CCDC102B: variants seen among roughly 807,000 people sequenced by gnomAD.
CCDC102B encodes the protein coiled-coil domain-containing protein 102B.
Under a neutral mutation model 57.4 loss-of-function variants are expected in CCDC102B, and 75 were observed. The observed-to-expected ratio is 1.31, with a 90% CI of 1.08 to 1.58. CCDC102B has a LOEUF of 1.58. Ranked by LOEUF, CCDC102B falls within the 40% of genes most tolerant of loss-of-function variation. CCDC102B has a pLI of 0.00. For synonymous variants in CCDC102B, 206 were observed against 201.9 expected (o/e 1.02, Z -0.17); for missense variants, 636 against 582.6 (o/e 1.09, Z -0.94).
chr18:68,993,685 T>C (rs2050938988), intron 6 of CCDC102B, among the ~76,000 whole-genome samples: 1 of 152,334 alleles, frequency 6.6e-6, no homozygotes, highest in Non-Finnish European at 1.5e-5. Flanking sequence ...TCTTAAATGT[T>C]ATAGGAACCA....
chr18:68,981,347 T>C (rs1194423308), intron 6 of CCDC102B, among the ~76,000 whole-genome samples: 3 of 152,026 alleles, frequency 2.0e-5, no homozygotes, highest in Non-Finnish European at 2.9e-5. Context: ...GGAAGTTTTA[T>C]TGGACTAATC....
chr18:68,999,841 A>C (rs4283319), intron 6 of CCDC102B, among the ~76,000 whole-genome samples: 130,456 of 152,104 alleles, frequency 0.86, 57,896 homozygotes, highest in Non-Finnish European at 0.97. Flanking sequence ...ACTTTTGTTC[A>C]TTTTTTTCAT....
In CCDC102B at chr18:68,837,067, T is replaced by C. The variant is rs1482663286; in HGVS notation, c.304T>C (p.Trp102Arg). The C allele has an allele frequency of 1.9e-6, 3 of 1,613,972 alleles. No individual in the cohort carries two copies. The South Asian group carries it at 3.3e-5, about 18-fold the overall frequency. Reference sequence around the variant, plus strand: ...GTGGTGGTCGGACTGCACTGCCAACTGGAGAGAAAAATGGAGTAAAGTTCG... The same window carrying C: ...GTGGTGGTCGGACTGCACTGCCAACCGGAGAGAAAAATGGAGTAAAGTTCG... ...MRWWSDCTAN[W>R]REKWSKVRAE... The change falls in exon 2 of 8, where the codon TGG becomes CGG. Residue 102 changes from tryptophan (W) to arginine (R), a missense_variant. By Grantham distance (101) the Trp-to-Arg change is moderately radical (BLOSUM62 -3). Coordinates refer to ENST00000360242, the MANE Select transcript of CCDC102B (RefSeq NM_024781.3).
At chr18:68,987,400 A>G (rs2050751778) in intron 6 of CCDC102B, among the ~76,000 whole-genome samples, 1 of 152,130 alleles carries the variant, frequency 6.6e-6, no homozygotes, top group Middle Eastern at 3.2e-3. Flanking sequence ...CCTATACAAA[A>G]GTTCACCCAA....
In CCDC102B at chr18:69,054,389, C is replaced by G. The variant is rs1234484271; in HGVS notation, c.*252C>G. ...TAAGATGTGTAAATATTTTGAAAGT[C>G]AAAAAGGGCTTTCAGAATACTTTTT... On this transcript the variant is annotated 3_prime_UTR_variant, in exon 8 of 8. Coordinates refer to ENST00000360242, the MANE Select transcript of CCDC102B (RefSeq NM_024781.3). 8.9e-7 allele frequency: 1 copy of G among 1,124,428 alleles called. No individual in the cohort carries two copies. Among genetic ancestry groups the G allele is most frequent in the Non-Finnish European group, 1.1e-6 (1 of 920,286 alleles). 69.7% of individuals were successfully genotyped at this position (1,124,428 alleles called of 1,614,324 possible).
intron 6 of CCDC102B, among the ~76,000 whole-genome samples, chr18:68,911,937 C>T (rs896626205): frequency 2.0e-5 from 3 of 151,590 alleles, no homozygotes; most frequent in Non-Finnish European, 2.9e-5. Flanking sequence ...TGTCAGCATA[C>T]ATTTACTTAG....
intron 1 of CCDC102B, among the ~76,000 whole-genome samples, chr18:68,798,914 A>G (rs73970713): frequency 3.9e-5 from 6 of 152,232 alleles, no homozygotes; most frequent in African/African-American, 1.4e-4. Flanking sequence ...GAGTACATTT[A>G]TTAAATATAA....
chr18:68,950,971 T>C (rs2049680896), intron 6 of CCDC102B, among the ~76,000 whole-genome samples: 1 of 152,164 alleles, frequency 6.6e-6, no homozygotes, highest in South Asian at 2.1e-4. Context: ...AAAGTGAAGA[T>C]TCTTGTTATT....
chr18:68,979,553 T>C (rs910084170), intron 6 of CCDC102B, among the ~76,000 whole-genome samples: 1 of 152,044 alleles, frequency 6.6e-6, no homozygotes, highest in African/African-American at 2.4e-5. Flanking sequence ...ATTAGAATTC[T>C]TTGTTGGGAG....
At chr18:68,983,091 G>A (rs1278024892) in intron 6 of CCDC102B, among the ~76,000 whole-genome samples, 1 of 151,468 alleles carries the variant, frequency 6.6e-6, no homozygotes, top group Non-Finnish European at 1.5e-5. Context: ...ATTTTCAGAA[G>A]GATACTTCTC....
intron 6 of CCDC102B, among the ~76,000 whole-genome samples, chr18:68,950,801 T>C (rs1185792705): frequency 6.6e-6 from 1 of 152,196 alleles, no homozygotes; most frequent in Non-Finnish European, 1.5e-5. Context: ...CTAGATTTAC[T>C]GATTTATTTT....
chr18:68,952,929 G>T (rs1038775380), intron 6 of CCDC102B, among the ~76,000 whole-genome samples: 1 of 152,016 alleles, frequency 6.6e-6, no homozygotes, highest in African/African-American at 2.4e-5. Context: ...CTACACACAT[G>T]GGGGGTAGTG....
intron 2 of CCDC102B, among the ~76,000 whole-genome samples, chr18:68,733,478 T>TTG (rs1555695149): frequency 8.0e-5 from 2 of 25,132 alleles, no homozygotes; most frequent in Admixed American, 8.6e-4. Flanking sequence ...TTAGACAACT[T>TTG]TATATATATA....
chr18:68,934,670 G>T (rs4494648), intron 6 of CCDC102B, among the ~76,000 whole-genome samples: 39,141 of 151,698 alleles, frequency 0.26, 6,474 homozygotes, highest in East Asian at 0.61. Context: ...GTAAAAAAAA[G>T]TTCAGTAATT....
chr18:69,019,276 T>C (rs758837011), intron 7 of CCDC102B, among the ~76,000 whole-genome samples: 7 of 152,098 alleles, frequency 4.6e-5, no homozygotes, highest in Non-Finnish European at 8.8e-5. Context: ...GGTATTGTAT[T>C]GAATCTGCAG....
chr18:68,870,949 T>G (rs2039217018), intron 4 of CCDC102B, among the ~76,000 whole-genome samples: 1 of 152,234 alleles, frequency 6.6e-6, no homozygotes, highest in African/African-American at 2.4e-5. Flanking sequence ...TACTTTACAT[T>G]ACACAACACT....
intron 2 of CCDC102B, among the ~76,000 whole-genome samples, chr18:68,747,457 A>G (rs1390849318): frequency 6.6e-6 from 1 of 152,064 alleles, no homozygotes; most frequent in Non-Finnish European, 1.5e-5. Flanking sequence ...TGTTGTACAG[A>G]TTTCTAAAAT....
chr18:68,747,722 A>G (rs1004337700), intron 2 of CCDC102B, among the ~76,000 whole-genome samples: 2 of 152,284 alleles, frequency 1.3e-5, no homozygotes, highest in South Asian at 2.1e-4. Context: ...AGCTGAATAC[A>G]GTGATACATC....
intron 6 of CCDC102B, among the ~76,000 whole-genome samples, chr18:68,946,281 C>A (rs755052144): frequency 3.9e-5 from 6 of 152,116 alleles, no homozygotes; most frequent in Middle Eastern, 6.8e-3. Flanking sequence ...CTTAGCAACA[C>A]GTATTCATAT....
Sources: allele counts gnomAD v4.1 joint callset (sites outside exome capture counted in the v4.1 genomes callset), GRCh38; gene constraint gnomAD v4.1.1; transcripts MANE v1.5; gene names NCBI Gene and HGNC (gene_info 2026-07-23, HGNC 2026-07-21).